Variants in MAPT observed in about 807,000 individuals in gnomAD.
The protein encoded by MAPT is microtubule associated protein tau, also known as microtubule-associated protein tau.
Under a neutral mutation model 67.9 loss-of-function variants are expected in MAPT, and 34 were observed. That is an observed-to-expected ratio of 0.50 (90% confidence interval 0.38 to 0.67). MAPT has a LOEUF of 0.67. MAPT is among the 30% of genes least tolerant of loss of function. MAPT has a pLI of 0.00. For synonymous variants in MAPT, 456 were observed against 464.5 expected (o/e 0.98, Z 0.23); for missense variants, 881 against 1,115.2 (o/e 0.79, Z 2.99).
chr17:45,940,112 G>A (rs890588290), intron 1 of MAPT, among the ~76,000 whole-genome samples: 1 of 152,158 alleles, frequency 6.6e-6, no homozygotes, highest in Non-Finnish European at 1.5e-5. Context: ...TATACTACAA[G>A]CTTTCTATTT....
At chr17:45,966,595 C>G (rs901018099) in intron 2 of MAPT, among the ~76,000 whole-genome samples, 2 of 152,028 alleles carry the variant, frequency 1.3e-5, no homozygotes, top group Non-Finnish European at 2.9e-5. Context: ...TCTCAAAAAA[C>G]AAAAATGAAA....
At chr17:45,894,768 CA>C (rs1377864208) in intron 1 of MAPT, 82 bp downstream of exon 1, 1 of 152,670 alleles carries the variant, frequency 6.6e-6, no homozygotes, top group Non-Finnish European at 1.5e-5. Flanking sequence ...TCCCTCTCCG[CA>C]GACTGGGGCT....
chr17:45,903,841 T>TTTATATATTATATATTA (rs2063814482), intron 1 of MAPT, among the ~76,000 whole-genome samples: 6 of 52,474 alleles, frequency 1.1e-4, no homozygotes, highest in African/African-American at 3.3e-4. Flanking sequence ...ATTATATATT[T>TTTATATATTATATATTA]TATATATTAT....
At chr17:45,898,118 G>A (rs949470515) in intron 1 of MAPT, 1 of 152,290 alleles carries the variant, frequency 6.6e-6, no homozygotes, top group African/African-American at 2.4e-5. Flanking sequence ...CAGGTCCGGA[G>A]TGACTCTTGA....
At chr17:45,961,508 T>C (rs1043775528) in intron 1 of MAPT, among the ~76,000 whole-genome samples, 1 of 151,876 alleles carries the variant, frequency 6.6e-6, no homozygotes, top group Admixed American at 6.6e-5. Flanking sequence ...GCTGGAGGAG[T>C]CAGGACACCC....
rs2074410199 is a variant in MAPT, at chr17:45,995,648, G to C, written c.1733-751G>C. On this transcript the variant is annotated intron_variant, in intron 8 of 12. Coordinates refer to ENST00000262410, the MANE Select transcript of MAPT (RefSeq NM_001377265.1). This position sits in a 1 kb window ranked among gnomAD's most constrained non-coding sequence, Gnocchi z 4.3. ...CCCCCCAGCAGCTTCCAGGGTGTTG[G>C]AAGGGTGCGCTAGTAACTGCTATGC... 6.6e-6 allele frequency among the ~76,000 whole-genome samples: 1 copy of C among 152,292 alleles called. No individual in the cohort carries two copies. Among genetic ancestry groups the C allele is most frequent in the East Asian group, 1.9e-4 (1 of 5,174 alleles).
intron 1 of MAPT, among the ~76,000 whole-genome samples, chr17:45,941,005 A>T (rs1010736099): frequency 1.3e-5 from 2 of 152,122 alleles, no homozygotes; most frequent in Non-Finnish European, 2.9e-5. Context: ...GCAAGCAGAG[A>T]GGAGACTTGT....
chr17:45,940,850 G>A (rs1055847600), intron 1 of MAPT, among the ~76,000 whole-genome samples: 3 of 152,188 alleles, frequency 2.0e-5, no homozygotes, highest in Non-Finnish European at 4.4e-5. Context: ...AGAAGAGCTA[G>A]GTAACCACTT....
At chr17:46,016,538 A>G (rs911627359) in intron 11 of MAPT, among the ~76,000 whole-genome samples, 1 of 152,160 alleles carries the variant, frequency 6.6e-6, no homozygotes, top group African/African-American at 2.4e-5. Context: ...TTGGGAGGCC[A>G]AGGCAGGCGG....
rs554784239 is a variant in MAPT, at chr17:45,960,378, T to TC, written c.-17-1940dup. Among the ~76,000 whole-genome samples, 9 of 152,264 alleles carry TC rather than the reference T, an allele frequency of 5.9e-5. No individual in the cohort carries two copies. In the South Asian group the frequency reaches 1.9e-3, roughly 32 times the overall value. On this transcript the variant is annotated intron_variant, in intron 1 of 12. Coordinates refer to ENST00000262410, the MANE Select transcript of MAPT (RefSeq NM_001377265.1). ...GCTCACTCCCTACTGAGTGCCTCAC[T>TC]CCCGTACAGCCCCCATAGAGGAAGA...
In MAPT at chr17:45,990,696, C is replaced by G. The variant is rs113014683; in HGVS notation, c.1605+621C>G. On this transcript the variant is annotated intron_variant, in intron 7 of 12. Coordinates refer to ENST00000262410, the MANE Select transcript of MAPT (RefSeq NM_001377265.1). ...AGAAATGCTTCCAGATTGCCCTGAT[C>G]TGGGTAGGACAGCATCACGCCATAG... Among the ~76,000 whole-genome samples, 443 of 152,336 alleles carry G rather than the reference C, an allele frequency of 2.9e-3. 2 individuals carry two copies. Among genetic ancestry groups the G allele is most frequent in the Non-Finnish European group, 4.6e-3 (315 of 68,032 alleles).
At position 45,983,345 on chromosome 17, in the gene MAPT, G is replaced by A. The variant is rs762327535; in HGVS notation, c.766G>A (p.Gly256Ser). The change falls in exon 5 of 13, where the codon GGC becomes AGC. Residue 256 changes from glycine (G) to serine (S), a missense_variant. Coordinates refer to ENST00000262410, the MANE Select transcript of MAPT (RefSeq NM_001377265.1). ...GACAGGACCTGAGGACACAGAGGGC[G>A]GCCGCCACGCCCCTGAGCTGCTCAA... The part of the protein sequence containing the change: ...SGTGPEDTEG[G>S]RHAPELLKHQ... 17 of 1,603,282 alleles carry A rather than the reference G, an allele frequency of 1.1e-5. No individual in the cohort carries two copies. The Admixed American group carries it at 1.4e-4, about 13-fold the overall frequency.
rs1426612885 is a variant in MAPT at position 45,944,686 on chromosome 17, A to G, written c.-17-17635A>G. On this transcript the variant is annotated intron_variant, in intron 1 of 12. Coordinates refer to ENST00000262410, the MANE Select transcript of MAPT (RefSeq NM_001377265.1). ...GTACATTCAGAAACCAAAGCCTAGG[A>G]GCTGGTTATCATTCCGGTTTACAGC... Among the ~76,000 whole-genome samples the G allele has an allele frequency of 2.6e-5, 4 of 152,244 alleles. No homozygotes were observed. In the East Asian group the frequency reaches 7.7e-4, roughly 29 times the overall value.
At chr17:45,946,763 T>A (rs2068555479) in intron 1 of MAPT, among the ~76,000 whole-genome samples, 1 of 151,636 alleles carries the variant, frequency 6.6e-6, no homozygotes, top group African/African-American at 2.4e-5. Flanking sequence ...AGCTTTTAGT[T>A]AAAACAAACA....
chr17:45,931,884 C>G (rs2066876696), intron 1 of MAPT: 1 of 151,864 alleles, frequency 6.6e-6, no homozygotes, highest in African/African-American at 2.4e-5. Flanking sequence ...TTCAGGAGTT[C>G]AAGATTTGCC....
chr17:45,993,097 C>T (rs1489805267), intron 8 of MAPT, among the ~76,000 whole-genome samples: 1 of 152,180 alleles, frequency 6.6e-6, no homozygotes, highest in African/African-American at 2.4e-5. Context: ...GTGACCAAAG[C>T]CTGGCCTGGA....
chr17:45,948,411 C>T (rs1430134763), intron 1 of MAPT, among the ~76,000 whole-genome samples: 2 of 152,160 alleles, frequency 1.3e-5, no homozygotes, highest in Admixed American at 6.5e-5. Context: ...GACTAGGATG[C>T]CTGCCCTAAC....
chr17:45,983,586 C>T lies in MAPT; in HGVS notation c.1007C>T (p.Ala336Val), dbSNP rs570884008. 1.9e-5 allele frequency: 31 copies of T among 1,613,230 alleles called. No homozygotes were observed. The South Asian group carries it at 3.2e-4, about 17-fold the overall frequency. The change falls in exon 5 of 13, where the codon GCG becomes GTG. Residue 336 changes from alanine (A) to valine (V), a missense_variant. Coordinates refer to ENST00000262410, the MANE Select transcript of MAPT (RefSeq NM_001377265.1). ...REATSIPGFP[A>V]EGAIPLPVDF... Reference sequence around the variant, plus strand: ...GCCACCAGCATCCCAGGCTTCCCAGCGGAGGGTGCCATCCCCCTCCCTGTG... The same window carrying T: ...GCCACCAGCATCCCAGGCTTCCCAGTGGAGGGTGCCATCCCCCTCCCTGTG...
intron 3 of MAPT, 36 bp from the exon 4 acceptor site, chr17:45,978,339 C>A: frequency 6.4e-7 from 1 of 1,553,430 alleles, no homozygotes; most frequent in Non-Finnish European, 8.9e-7. Flanking sequence ...AACTGTCTTG[C>A]TTTTACCCCC....
Sources: allele counts gnomAD v4.1 joint callset (sites outside exome capture counted in the v4.1 genomes callset), GRCh38; gene constraint gnomAD v4.1.1; non-coding constraint Gnocchi (gnomAD v3.1); transcripts MANE v1.5; gene names NCBI Gene and HGNC (gene_info 2026-07-23, HGNC 2026-07-21).